The following SLC37A1 variants were observed in gnomAD, a reference collection of about 807,000 sequenced individuals.
SLC37A1 encodes solute carrier family 37 member 1.
In SLC37A1, 49 loss-of-function variants were observed where a neutral mutation model predicts 75.3. The observed-to-expected ratio is 0.65, with a 90% CI of 0.52 to 0.83. The LOEUF (loss-of-function observed/expected upper bound fraction) is 0.83. Ranked by LOEUF, SLC37A1 falls within the 40% of genes least tolerant of loss-of-function variation. The pLI is 0.00. For synonymous variants in SLC37A1, 268 were observed against 292.1 expected (o/e 0.92, Z 0.84); for missense variants, 566 against 695.0 (o/e 0.81, Z 2.09).
intron 18 of SLC37A1, among the ~76,000 whole-genome samples, chr21:42,577,418 CA>C (rs2056331281): frequency 1.3e-5 from 2 of 152,192 alleles, no homozygotes; most frequent in Admixed American, 6.5e-5. Flanking sequence ...TAGACCTTTA[CA>C]GAAAAAGCTT....
chr21:42,538,740 A>G (rs1439466323), intron 5 of SLC37A1, among the ~76,000 whole-genome samples: 1 of 152,228 alleles, frequency 6.6e-6, no homozygotes, highest in East Asian at 1.9e-4. Flanking sequence ...AAGACTGTTA[A>G]GTCTGTTCCC....
chr21:42,570,583 C>T (rs1054230121), intron 17 of SLC37A1, among the ~76,000 whole-genome samples: 1 of 152,170 alleles, frequency 6.6e-6, no homozygotes, highest in African/African-American at 2.4e-5. Flanking sequence ...CCTTGTGCCT[C>T]AGTGGACTGC....
intron 3 of SLC37A1, among the ~76,000 whole-genome samples, chr21:42,531,313 C>T (rs756994288): frequency 6.6e-6 from 1 of 151,804 alleles, no homozygotes; most frequent in Non-Finnish European, 1.5e-5. Flanking sequence ...CCCCACCCTC[C>T]ACCCGCGATG....
At chr21:42,531,949 TCA>T (rs1178586703) in intron 3 of SLC37A1, among the ~76,000 whole-genome samples, 1 of 152,048 alleles carries the variant, frequency 6.6e-6, no homozygotes, top group African/African-American at 2.4e-5. Flanking sequence ...GCGCCCGGAC[TCA>T]CAGTGGCCCT....
At chr21:42,504,388 T>C (rs2146677905) in intron 2 of SLC37A1, among the ~76,000 whole-genome samples, 1 of 152,278 alleles carries the variant, frequency 6.6e-6, no homozygotes, top group Middle Eastern at 3.4e-3. Context: ...TTTCTTCACC[T>C]TAATCCTGAA....
intron 14 of SLC37A1, 46 bp downstream of exon 14, chr21:42,564,839 C>T: frequency 6.5e-7 from 1 of 1,529,954 alleles, no homozygotes; most frequent in Non-Finnish European, 8.9e-7. Flanking sequence ...GCAGACAGTC[C>T]CCCACTGTCC....
rs1176031793 is a variant in SLC37A1, at chr21:42,547,401, C to T, written c.768+261C>T. On this transcript the variant is annotated intron_variant, in intron 9 of 19. Coordinates refer to ENST00000352133, the MANE Select transcript of SLC37A1 (RefSeq NM_001320537.2). This position sits in a 1 kb window ranked among gnomAD's most constrained non-coding sequence, Gnocchi z 6.1. ...TGCTAAGGGGAACCAAAGGCTGGGC[C>T]CTGGCCAGGCCTCCTCAGGAGTGGA... The T allele has an allele frequency of 1.4e-4, 59 of 426,068 alleles. No homozygotes were observed. The highest frequency in any genetic ancestry group is 3.0e-5 in the Non-Finnish European group (7 of 236,544). 26.4% of individuals were successfully genotyped at this position (426,068 alleles called of 1,614,324 possible).
At chr21:42,506,873 T>C (rs547159606) in intron 2 of SLC37A1, among the ~76,000 whole-genome samples, 7 of 152,282 alleles carry the variant, frequency 4.6e-5, no homozygotes, top group Admixed American at 1.3e-4. Context: ...GAATATCATA[T>C]TCAATAAGTT....
At chr21:42,531,391 C>T (rs2054975967) in intron 3 of SLC37A1, among the ~76,000 whole-genome samples, 1 of 152,028 alleles carries the variant, frequency 6.6e-6, no homozygotes, top group Non-Finnish European at 1.5e-5. Context: ...GTGACGCCCG[C>T]GTCTTCACAG....
Position 42,559,039 on chromosome 21 carries a change from G to C in SLC37A1, c.931G>C (p.Gly311Arg). ...CCACGTCGTCATTCTCCCCGGGGAC[G>C]GTGGGAGTGGCACGGCCGCCATCAG... Reference protein sequence around the residue: ...PNHVVILPGDGGSGTAAISFT... With the variant: ...PNHVVILPGDRGSGTAAISFT... Residue 311 changes from glycine to arginine, a missense_variant, in exon 11 of 20, where the codon GGT (glycine) becomes CGT (arginine). Transcript: ENST00000352133. 2 of 1,613,674 alleles carry C rather than the reference G, an allele frequency of 1.2e-6. No individual in the cohort carries two copies. The highest frequency in any genetic ancestry group is 4.5e-5 in the East Asian group (2 of 44,812).
At chr21:42,573,925 A>G (rs2056247497) in intron 17 of SLC37A1, among the ~76,000 whole-genome samples, 1 of 152,244 alleles carries the variant, frequency 6.6e-6, no homozygotes. Context: ...TCATTTAAAA[A>G]CACATCTTGA....
chr21:42,522,549 CCA>C (rs1291782745), intron 2 of SLC37A1, among the ~76,000 whole-genome samples: 1 of 152,164 alleles, frequency 6.6e-6, no homozygotes, highest in East Asian at 1.9e-4. Flanking sequence ...TAGCCTCCAG[CCA>C]CTGCGTCCCC....
rs2056086320 is a variant in SLC37A1 at position 42,569,983 on chromosome 21, G to GTTT, written c.1423+1545_1423+1546insTTT. Among the ~76,000 whole-genome samples the GTTT allele has an allele frequency of 3.5e-4, 53 of 152,076 alleles. 1 individual carries two copies. Among genetic ancestry groups the GTTT allele is most frequent in the South Asian group, 2.1e-4 (1 of 4,832 alleles). Reference sequence around the variant, plus strand: ...CCTTGTTCTGCGTTTCCTTGTTCTGGCCTTGTTCTGAGAAGCGGCGGGCAG... The same window carrying GTTT: ...CCTTGTTCTGCGTTTCCTTGTTCTGGTTTCCTTGTTCTGAGAAGCGGCGGGCAG... On this transcript the variant is annotated intron_variant, in intron 17 of 19. Transcript: ENST00000352133.
chr21:42,562,028 A>G, intron 11 of SLC37A1, 50 bp from the exon 12 acceptor site: 1 of 1,451,458 alleles, frequency 6.9e-7, no homozygotes, highest in Non-Finnish European at 9.7e-7. Flanking sequence ...GTTTACACAC[A>G]CCTGCTGACT....
chr21:42,533,331 G>A (rs567373054), intron 3 of SLC37A1, among the ~76,000 whole-genome samples: 1 of 152,252 alleles, frequency 6.6e-6, no homozygotes, highest in East Asian at 1.9e-4. Flanking sequence ...CATCACTCAC[G>A]CTTGATGGGG....
chr21:42,530,629 C>T (rs1601689321), intron 3 of SLC37A1, among the ~76,000 whole-genome samples: 1 of 99,784 alleles, frequency 1.0e-5, no homozygotes, highest in South Asian at 3.5e-4. Flanking sequence ...CACACACACA[C>T]ACACACACAC....
chr21:42,575,104 A>G, intron 18 of SLC37A1, 189 bp downstream of exon 18: 3 of 985,488 alleles, frequency 3.0e-6, no homozygotes, highest in Non-Finnish European at 3.6e-6. Flanking sequence ...AAACAGAAGC[A>G]GGACAGTCTT....
upstream of SLC37A1, among the ~76,000 whole-genome samples, chr21:42,513,645 C>T (rs1439144370): frequency 2.6e-5 from 4 of 151,120 alleles, no homozygotes; most frequent in East Asian, 2.0e-4. Flanking sequence ...GACCCGGGTT[C>T]GCCCGCAAAG....
intron 3 of SLC37A1, among the ~76,000 whole-genome samples, chr21:42,532,502 G>A (rs139378470): frequency 2.6e-3 from 392 of 152,330 alleles, no homozygotes; most frequent in Non-Finnish European, 3.9e-3. Context: ...CCCTTTGGGC[G>A]TGGCCAGATT....
Sources: gnomAD v4.1 joint callset for allele counts (sites outside exome capture counted in the v4.1 genomes callset) on GRCh38, gnomAD v4.1.1 for gene constraint, Gnocchi (gnomAD v3.1) non-coding constraint, MANE v1.5 for transcripts, NCBI Gene and HGNC (gene_info 2026-07-23, HGNC 2026-07-21) for gene names.